PCDHA4: variants seen among roughly 807,000 people sequenced by gnomAD.
PCDHA4 encodes the protein protocadherin alpha-4.
In PCDHA4, 49 loss-of-function variants were observed where a neutral mutation model predicts 61.4. The ratio of observed to expected loss-of-function variants is 0.80; its 90% CI spans 0.63 to 1.01. PCDHA4 has a LOEUF of 1.01. Among genes scored for constraint, PCDHA4 ranks in the 50% least tolerant of loss-of-function variants. The pLI is 0.00. For missense variants in PCDHA4, 1,254 were observed against 1,235.8 expected (o/e 1.01, Z -0.22); for synonymous variants, 590 against 550.3 (o/e 1.07, Z -1.01).
intron 3 of PCDHA4, among the ~76,000 whole-genome samples, chr5:141,004,307 A>G (rs924420604): frequency 6.6e-6 from 1 of 152,224 alleles, no homozygotes; most frequent in Admixed American, 6.5e-5. Context: ...TTTGTTTTAT[A>G]CAACAACCAG....
In PCDHA4 at chr5:141,010,428, A is replaced by G. The variant is rs2098417264; in HGVS notation, c.*491A>G. The G allele has an allele frequency of 9.2e-7, 1 of 1,087,372 alleles. No individual in the cohort carries two copies. Among genetic ancestry groups the G allele is most frequent in the East Asian group, 2.6e-5 (1 of 38,240 alleles). 67.4% of individuals were successfully genotyped at this position (1,087,372 alleles called of 1,614,324 possible). ...GACTAATTGGTACAAGGAAGGCAAG[A>G]AAACAAAGACAAATAAACAGCGGAA... On this transcript the variant is annotated 3_prime_UTR_variant, in exon 4 of 4. Transcript: ENST00000530339.
At chr5:140,845,952 T>C (rs1262858595) in intron 1 of PCDHA4, among the ~76,000 whole-genome samples, 2 of 149,750 alleles carry the variant, frequency 1.3e-5, no homozygotes, top group Non-Finnish European at 3.0e-5. Context: ...AGTCATTTTT[T>C]AGATTAACCT....
intron 1 of PCDHA4, chr5:140,854,159 CAA>C (rs59855104): frequency 4.1e-3 from 1,382 of 339,958 alleles, no homozygotes; most frequent in Non-Finnish European, 4.7e-3. Flanking sequence ...GATTCTGTCT[CAA>C]AAAAAAAAAA....
intron 3 of PCDHA4, among the ~76,000 whole-genome samples, chr5:140,995,181 T>G (rs1443897354): frequency 6.6e-6 from 1 of 152,186 alleles, no homozygotes; most frequent in Non-Finnish European, 1.5e-5. Context: ...GGTGCACCTA[T>G]GATAAAGTTT....
intron 1 of PCDHA4, among the ~76,000 whole-genome samples, chr5:140,909,670 G>C (rs940080549): frequency 6.6e-6 from 1 of 152,142 alleles, no homozygotes; most frequent in African/African-American, 2.4e-5. Flanking sequence ...CACTCTACCA[G>C]TCAGGGAGCC....
intron 3 of PCDHA4, among the ~76,000 whole-genome samples, chr5:141,008,506 T>G (rs1362141784): frequency 5.9e-5 from 9 of 152,202 alleles, no homozygotes; most frequent in African/African-American, 2.2e-4. Context: ...CTTTATGGTG[T>G]GTCTTCCAAT....
chr5:140,883,530 A>G, intron 1 of PCDHA4: 1 of 1,614,156 alleles, frequency 6.2e-7, no homozygotes. Flanking sequence ...GTATCAGCCT[A>G]TGAACTGGTG....
intron 1 of PCDHA4, among the ~76,000 whole-genome samples, chr5:140,880,233 T>A (rs1040125802): frequency 6.6e-6 from 1 of 152,046 alleles, no homozygotes; most frequent in African/African-American, 2.4e-5. Flanking sequence ...TTTAAATTAG[T>A]GTATGTGCGT....
At chr5:140,841,297 T>A (rs2150312765) in intron 1 of PCDHA4, 1 of 1,566,194 alleles carries the variant, frequency 6.4e-7, no homozygotes, top group South Asian at 1.2e-5. Flanking sequence ...AGATAATATT[T>A]TCTGATAGGA....
At chr5:140,988,043 A>G (rs2153870251) in intron 3 of PCDHA4, among the ~76,000 whole-genome samples, 1 of 152,336 alleles carries the variant, frequency 6.6e-6, no homozygotes, top group Non-Finnish European at 1.5e-5. Context: ...GAATCTGTTT[A>G]GGAGCACTGT....
chr5:140,856,719 C>A, intron 1 of PCDHA4: 1 of 1,596,152 alleles, frequency 6.3e-7, no homozygotes, highest in Non-Finnish European at 8.6e-7. Flanking sequence ...TTTACCGGAT[C>A]TGTTTCTCTG....
intron 1 of PCDHA4, among the ~76,000 whole-genome samples, chr5:140,916,590 G>A (rs1022726274): frequency 2.0e-5 from 3 of 152,182 alleles, no homozygotes; most frequent in Non-Finnish European, 4.4e-5. Flanking sequence ...CCATGAGCTA[G>A]GGCCTGGAAT....
intron 1 of PCDHA4, among the ~76,000 whole-genome samples, chr5:140,898,020 AC>A (rs1483113036): frequency 6.6e-6 from 1 of 152,078 alleles, no homozygotes; most frequent in Non-Finnish European, 1.5e-5. Flanking sequence ...TCCTTTGCCC[AC>A]TTTTTGATGG....
intron 1 of PCDHA4, chr5:140,868,190 A>G (rs1315604501): frequency 7.2e-5 from 11 of 152,160 alleles, no homozygotes; most frequent in African/African-American, 1.2e-4. Context: ...TTATGCTACT[A>G]TGGCTTACAT....
chr5:140,928,551 G>C, intron 1 of PCDHA4: 1 of 1,614,164 alleles, frequency 6.2e-7, no homozygotes, highest in Non-Finnish European at 8.5e-7. Context: ...ACAATTATCC[G>C]GTTATCTTGT....
chr5:140,969,401 T>A, intron 1 of PCDHA4: 1 of 1,579,566 alleles, frequency 6.3e-7, no homozygotes, highest in Non-Finnish European at 8.6e-7. Flanking sequence ...ATCCTGTGAT[T>A]TGGCTTTATT....
In PCDHA4 at chr5:140,871,676, A is replaced by G. The variant is rs141392186; in HGVS notation, c.2385+62104A>G. ...TACACATCTTCAGTCTTTTAATCAT[A>G]TGAATAATCTGGCTTCTTTAACCAA... On this transcript the variant is annotated intron_variant, in intron 1 of 3. Coordinates refer to ENST00000530339, the MANE Select transcript of PCDHA4 (RefSeq NM_018907.4). 511 of 1,133,248 alleles carry G rather than the reference A, an allele frequency of 4.5e-4. 2 individuals carry two copies. The African/African-American group carries it at 7.0e-3, about 16-fold the overall frequency. The allele number at this position is 1,133,248 out of a possible 1,614,324, so 70.2% of individuals were successfully genotyped here.
chr5:140,907,433 G>A (rs1006736760), intron 1 of PCDHA4, among the ~76,000 whole-genome samples: 5 of 152,246 alleles, frequency 3.3e-5, no homozygotes, highest in Admixed American at 1.3e-4. Context: ...GGCATTCTGT[G>A]AGTCCACAGA....
Position 140,918,290 on chromosome 5 carries a change from C to A in PCDHA4, c.2386-60659C>A, listed in dbSNP as rs188994807. ...TTTATCAGATGTAGGAGCTTTTTGG[C>A]AGAGAATATAGGGTTTTCTAGGTAT... On this transcript the variant is annotated intron_variant, in intron 1 of 3. Transcript: ENST00000530339. Among the ~76,000 whole-genome samples the A allele has an allele frequency of 2.1e-3, 321 of 152,226 alleles. 1 individual carries two copies. Among genetic ancestry groups the A allele is most frequent in the African/African-American group, 7.5e-3 (313 of 41,534 alleles).
Sources: allele counts gnomAD v4.1 joint callset (sites outside exome capture counted in the v4.1 genomes callset), GRCh38; gene constraint gnomAD v4.1.1; transcripts MANE v1.5; gene names NCBI Gene and HGNC (gene_info 2026-07-23, HGNC 2026-07-21).